Variants in DENND1A observed in about 807,000 individuals in gnomAD.
DENND1A encodes the protein DENN domain containing 1A.
A neutral mutation model predicts 113.7 loss-of-function variants in DENND1A; 51 were observed. That is an observed-to-expected ratio of 0.45 (90% CI 0.36 to 0.57). The LOEUF (loss-of-function observed/expected upper bound fraction) is 0.57. Ranked by LOEUF, DENND1A falls within the 20% of genes least tolerant of loss-of-function variation. The pLI is 0.00. For missense variants in DENND1A, 1,258 were observed against 1,395.9 expected (o/e 0.90, Z 1.57); for synonymous variants, 565 against 570.8 (o/e 0.99, Z 0.14).
chr9:123,649,098 T>A (rs1394387117), intron 9 of DENND1A, among the ~76,000 whole-genome samples: 2 of 152,236 alleles, frequency 1.3e-5, no homozygotes, highest in Admixed American at 1.3e-4. Flanking sequence ...CTTTTCCATA[T>A]TAATTTTAGA....
At chr9:123,436,774 G>C (rs1463513385) in intron 19 of DENND1A, among the ~76,000 whole-genome samples, 1 of 151,506 alleles carries the variant, frequency 6.6e-6, no homozygotes, top group Non-Finnish European at 1.5e-5. Flanking sequence ...TTGAGACAGG[G>C]TCTCGCTCTG....
intron 1 of DENND1A, among the ~76,000 whole-genome samples, chr9:123,902,903 T>C (rs1369570094): frequency 6.7e-6 from 1 of 149,788 alleles, no homozygotes. Context: ...TGAATACAGA[T>C]GTAAACATAA....
chr9:123,765,099 C>A (rs559743041), intron 4 of DENND1A, among the ~76,000 whole-genome samples: 2 of 152,076 alleles, frequency 1.3e-5, no homozygotes, highest in Admixed American at 1.3e-4. Flanking sequence ...TCATTTTTTT[C>A]TTTCTCTCAG....
At chr9:123,716,030 G>T (rs973523360) in intron 5 of DENND1A, among the ~76,000 whole-genome samples, 3 of 152,158 alleles carry the variant, frequency 2.0e-5, no homozygotes, top group Non-Finnish European at 4.4e-5. Context: ...GACTTGTGCT[G>T]CTCTGGAGCA....
intron 6 of DENND1A, among the ~76,000 whole-genome samples, chr9:123,674,953 C>T (rs906936807): frequency 2.0e-5 from 3 of 151,762 alleles, no homozygotes; most frequent in African/African-American, 7.3e-5. Flanking sequence ...TTAAAGACAC[C>T]TTTCAAATTT....
At chr9:123,385,289 T>C (rs1450179423) in intron 22 of DENND1A, among the ~76,000 whole-genome samples, 1 of 152,210 alleles carries the variant, frequency 6.6e-6, no homozygotes, top group Admixed American at 6.5e-5. Context: ...CTTAGCCTCC[T>C]GAGTAGCTGG....
intron 5 of DENND1A, among the ~76,000 whole-genome samples, chr9:123,733,560 T>TAC (rs1409169006): frequency 6.6e-6 from 1 of 152,028 alleles, no homozygotes; most frequent in Non-Finnish European, 1.5e-5. Context: ...GCACTGAGAT[T>TAC]ACAGGCAGGA....
At chr9:123,745,585 T>G (rs1460084331) in intron 5 of DENND1A, among the ~76,000 whole-genome samples, 2 of 152,228 alleles carry the variant, frequency 1.3e-5, no homozygotes, top group Non-Finnish European at 2.9e-5. Context: ...TTTATCCCAA[T>G]GAAGTCAACG....
At position 123,855,283 on chromosome 9, in the gene DENND1A, C is replaced by A. The variant is rs186300139; in HGVS notation, c.88+23668G>T. Among the ~76,000 whole-genome samples the A allele has an allele frequency of 4.0e-4, 60 of 150,870 alleles. 1 individual carries two copies. The highest frequency in any genetic ancestry group is 6.8e-4 in the Non-Finnish European group (46 of 67,972). On this transcript the variant is annotated intron_variant, in intron 2 of 23. Transcript: ENST00000394215. The stretch of plus-strand genomic sequence containing the variant: ...CAATTATAATACGATATGCAGGGTG[C>A]CAAGAGGGAGGGTATCTAACCAAGT...
chr9:123,395,468 C>CTCTCTCTCTGTGTGTGTGTG (rs367751848), intron 21 of DENND1A, among the ~76,000 whole-genome samples: 27 of 142,982 alleles, frequency 1.9e-4, no homozygotes, highest in Non-Finnish European at 1.5e-4. Flanking sequence ...CTCTCTCTCT[C>CTCTCTCTCTGTGTGTGTGTG]TGTGTGTGTG....
At chr9:123,679,143 C>T (rs948940245) in intron 5 of DENND1A, among the ~76,000 whole-genome samples, 5 of 152,166 alleles carry the variant, frequency 3.3e-5, no homozygotes, top group Admixed American at 6.5e-5. Context: ...AAAACTGTGA[C>T]TTCAAGTAAA....
At chr9:123,837,184 T>C (rs1028847069) in intron 2 of DENND1A, among the ~76,000 whole-genome samples, 19 of 152,236 alleles carry the variant, frequency 1.2e-4, no homozygotes, top group African/African-American at 4.3e-4. Flanking sequence ...GTGCATCTTA[T>C]GTTTTGCATG....
At chr9:123,458,956 C>A (rs1036794720) in intron 13 of DENND1A, among the ~76,000 whole-genome samples, 1 of 151,618 alleles carries the variant, frequency 6.6e-6, no homozygotes, top group Non-Finnish European at 1.5e-5. Context: ...AGCAAAACTC[C>A]GTCTCAAAAC....
chr9:123,467,725 C>A (rs2049073906), intron 13 of DENND1A, among the ~76,000 whole-genome samples: 1 of 152,164 alleles, frequency 6.6e-6, no homozygotes, highest in African/African-American at 2.4e-5. Flanking sequence ...AGGACGGTGA[C>A]AGCAGAGCAT....
intron 5 of DENND1A, among the ~76,000 whole-genome samples, chr9:123,686,523 A>G (rs2064820670): frequency 6.6e-6 from 1 of 152,224 alleles, no homozygotes; most frequent in South Asian, 2.1e-4. Context: ...CCAACAATTC[A>G]GCGTGTTTTC....
In DENND1A at chr9:123,661,718, A is replaced by T. The variant is rs74970956; in HGVS notation, c.507+5308T>A. 1.7e-4 allele frequency among the ~76,000 whole-genome samples: 26 copies of T among 152,358 alleles called. No homozygotes were observed. The East Asian group carries it at 4.2e-3, about 25-fold the overall frequency. On this transcript the variant is annotated intron_variant, in intron 8 of 23. Transcript: ENST00000394215. ...ACAGAAGATAGGAATGTTGAGCAGGAAAATAATACGAGGAGAAGAACACTT... is the reference window on the plus strand; with the variant it reads ...ACAGAAGATAGGAATGTTGAGCAGGTAAATAATACGAGGAGAAGAACACTT...
At chr9:123,559,084 T>C (rs4838070) in intron 12 of DENND1A, among the ~76,000 whole-genome samples, 26,320 of 151,990 alleles carry the variant, frequency 0.17, 2,411 homozygotes, top group African/African-American at 0.22. Flanking sequence ...TGGGTGAGGG[T>C]GGTTAACTCA....
At position 123,520,147 on chromosome 9, in the gene DENND1A, C is replaced by CCAAAAAA. The variant is rs1554853704; in HGVS notation, c.993+37422_993+37423insTTTTTTG. 1.1e-4 allele frequency among the ~76,000 whole-genome samples: 4 copies of CCAAAAAA among 37,318 alleles called. 1 individual carries two copies. The highest frequency in any genetic ancestry group is 2.3e-4 in the African/African-American group (3 of 12,810). 24.5% of individuals were successfully genotyped at this position (37,318 alleles called of 152,430 possible). A position where few individuals can be genotyped will look rare whatever the true frequency, so the allele number is the denominator to read the frequency against. On this transcript the variant is annotated intron_variant, in intron 13 of 23. Coordinates refer to ENST00000394215, the MANE Select transcript of DENND1A (RefSeq NM_001352964.2). ...TGGGAAACAGAGCAAGATCCTGTCT[C>CCAAAAAA]AAAAAAAAAAAAAAAAAAAAAAAAA...
At chr9:123,536,350 G>C (rs1477265096) in intron 13 of DENND1A, among the ~76,000 whole-genome samples, 1 of 151,762 alleles carries the variant, frequency 6.6e-6, no homozygotes, top group Non-Finnish European at 1.5e-5. Flanking sequence ...CATGCCTGTA[G>C]TCCCAGCTAT....
Sources: allele counts gnomAD v4.1 joint callset (sites outside exome capture counted in the v4.1 genomes callset), GRCh38; gene constraint gnomAD v4.1.1; transcripts MANE v1.5; gene names NCBI Gene and HGNC (gene_info 2026-07-23, HGNC 2026-07-21).